Variants in COL6A5 observed in about 807,000 individuals in gnomAD.
COL6A5 encodes the protein collagen type VI alpha 5 chain, also known as collagen alpha-5(VI) chain.
COL6A5 carries 48 observed loss-of-function variants against 65.6 expected under a neutral mutation model. The ratio of observed to expected loss-of-function variants is 0.73; its 90% CI spans 0.58 to 0.93. The LOEUF is 0.93. COL6A5 is among the 40% of genes least tolerant of loss of function. The pLI is 0.00. For synonymous variants in COL6A5, 291 were observed against 322.8 expected (o/e 0.90, Z 1.05); for missense variants, 914 against 928.3 (o/e 0.98, Z 0.20).
chr3:130,390,783 A>G (rs1289329488), intron 6 of COL6A5, among the ~76,000 whole-genome samples: 2 of 152,224 alleles, frequency 1.3e-5, no homozygotes, highest in African/African-American at 4.8e-5. Context: ...TCGAAATAGC[A>G]GGCCAGTTTG....
chr3:130,426,262 T>C lies in COL6A5; in HGVS notation c.5199+13T>C. 1 of 1,551,360 alleles carries C rather than the reference T, an allele frequency of 6.4e-7. No individual in the cohort carries two copies. Among genetic ancestry groups the C allele is most frequent in the Non-Finnish European group, 8.7e-7 (1 of 1,146,698 alleles). On this transcript the variant is annotated intron_variant and NMD_transcript_variant, in intron 30 of 41. Coordinates refer to the COL6A5 transcript ENST00000312481. ...GCCTGTATATTCTGTATGTATCTCC[T>C]TATTCATGAAAGAAAACTCAATAAG...
chr3:130,423,924 A>T (rs1937559155), intron 29 of COL6A5, 24 bp downstream of exon 29: 1 of 1,508,440 alleles, frequency 6.6e-7, no homozygotes, highest in Admixed American at 2.0e-5. Context: ...TAAGAACTAA[A>T]TAGGATATAG....
intron 11 of COL6A5, among the ~76,000 whole-genome samples, 195 bp downstream of exon 11, chr3:130,401,368 C>G: frequency 6.6e-6 from 1 of 152,306 alleles, no homozygotes; most frequent in South Asian, 2.1e-4. Context: ...TGTCATCTCA[C>G]TAAATGAATG....
chr3:130,379,870 C>G (rs747634668), exon 4 of COL6A5: 2 of 1,551,266 alleles, frequency 1.3e-6, no homozygotes, highest in Non-Finnish European at 1.7e-6. Context: ...CTTGAGCATC[C>G]AAGGGGCTAA....
At chr3:130,484,116 T>C (rs1710318401) in exon 8 of COL6A5, 3 of 1,487,338 alleles carry the variant, frequency 2.0e-6, no homozygotes, top group South Asian at 1.2e-5. Flanking sequence ...CTAACCAGAA[T>C]GTATAATCAT....
At chr3:130,386,952 G>A (rs1433617281) in intron 5 of COL6A5, among the ~76,000 whole-genome samples, 1 of 152,046 alleles carries the variant, frequency 6.6e-6, no homozygotes. Context: ...TAGGGTACAG[G>A]TTAAGCTGCA....
intron 4 of COL6A5, among the ~76,000 whole-genome samples, chr3:130,449,982 A>T (rs556856601): frequency 6.6e-6 from 1 of 152,142 alleles, no homozygotes; most frequent in Non-Finnish European, 1.5e-5. Context: ...AAAGGCAAAG[A>T]ATCAGGTAGT....
At chr3:130,479,271 C>T (rs1475064950) in intron 7 of COL6A5, among the ~76,000 whole-genome samples, 1 of 149,380 alleles carries the variant, frequency 6.7e-6, no homozygotes, top group East Asian at 2.0e-4. Context: ...CACTAGATGC[C>T]GAATGGGCCA....
chr3:130,350,669 A>G (rs576291871), intron 1 of COL6A5, among the ~76,000 whole-genome samples: 2 of 152,304 alleles, frequency 1.3e-5, no homozygotes, highest in South Asian at 4.2e-4. Flanking sequence ...GAGAACACAA[A>G]CAAATGGAAG....
At chr3:130,379,427 C>A in exon 4 of COL6A5, 1 of 1,550,710 alleles carries the variant, frequency 6.4e-7, no homozygotes, top group South Asian at 1.2e-5. Flanking sequence ...GTTCACTTCC[C>A]CATATCCTGT....
intron 20 of COL6A5, among the ~76,000 whole-genome samples, chr3:130,410,797 G>C (rs141723820): frequency 6.6e-6 from 1 of 152,116 alleles, no homozygotes; most frequent in Non-Finnish European, 1.5e-5. Context: ...ATTCACAAGC[G>C]TCTCTAAATA....
intron 5 of COL6A5, among the ~76,000 whole-genome samples, chr3:130,461,099 A>C (rs1709692656): frequency 6.6e-6 from 1 of 152,088 alleles, no homozygotes; most frequent in Non-Finnish European, 1.5e-5. Flanking sequence ...TTCTGAATTA[A>C]GCCCTGAAGT....
At chr3:130,352,942 A>G (rs1559852954) in intron 1 of COL6A5, among the ~76,000 whole-genome samples, 1 of 152,176 alleles carries the variant, frequency 6.6e-6, no homozygotes, top group Non-Finnish European at 1.5e-5. Context: ...ACATTAACTA[A>G]GAGTACTTGC....
intron 28 of COL6A5, among the ~76,000 whole-genome samples, chr3:130,423,341 A>G (rs1465842086): frequency 1.3e-5 from 2 of 152,154 alleles, no homozygotes; most frequent in South Asian, 2.1e-4. Flanking sequence ...GTGCCATATC[A>G]GTGGTCACCA....
intron 1 of COL6A5, among the ~76,000 whole-genome samples, chr3:130,365,171 A>G (rs1935287239): frequency 6.6e-6 from 1 of 152,228 alleles, no homozygotes; most frequent in Non-Finnish European, 1.5e-5. Flanking sequence ...AGTGAGGTCA[A>G]GATTTAAGCA....
chr3:130,438,541 A>C (rs945020815), intron 1 of COL6A5, among the ~76,000 whole-genome samples: 1 of 152,192 alleles, frequency 6.6e-6, no homozygotes, highest in Non-Finnish European at 1.5e-5. Context: ...AAAGCATCCA[A>C]TTTAATAAAA....
chr3:130,353,484 A>C (rs530950548), intron 1 of COL6A5, among the ~76,000 whole-genome samples: 1 of 152,328 alleles, frequency 6.6e-6, no homozygotes, highest in African/African-American at 2.4e-5. Flanking sequence ...AGAGAATGAG[A>C]AGCAAAGCCA....
intron 1 of COL6A5, among the ~76,000 whole-genome samples, chr3:130,348,866 A>G (rs905377468): frequency 1.3e-5 from 2 of 152,142 alleles, no homozygotes; most frequent in South Asian, 2.1e-4. Flanking sequence ...CATTTCTCTA[A>G]TGACCAGTGA....
intron 1 of COL6A5, among the ~76,000 whole-genome samples, chr3:130,359,771 G>A (rs570131023): frequency 1.3e-4 from 20 of 152,180 alleles, no homozygotes; most frequent in Admixed American, 1.3e-3. Flanking sequence ...GCAAAATTGA[G>A]TAGTATATTT....
Sources: gnomAD v4.1 joint callset for allele counts (sites outside exome capture counted in the v4.1 genomes callset) on GRCh38, gnomAD v4.1.1 for gene constraint, MANE v1.5 for transcripts, NCBI Gene and HGNC (gene_info 2026-07-23, HGNC 2026-07-21) for gene names.